Variants in LAP3 observed in about 807,000 individuals in gnomAD.
LAP3 encodes cytosol aminopeptidase.
LAP3 carries 46 observed loss-of-function variants against 58.8 expected under a neutral mutation model. That is an observed-to-expected ratio of 0.78 (90% CI 0.62 to 1.00). LAP3 has a LOEUF of 1.00. LAP3 is among the 50% of genes least tolerant of loss of function. The pLI is 0.00. For synonymous variants in LAP3, 257 were observed against 237.7 expected, an observed-to-expected ratio of 1.08 and a Z score of -0.75; for missense variants, 615 against 659.1, an observed-to-expected ratio of 0.93 and a Z score of 0.73.
chr4:17,579,734 AT>A, intron 1 of LAP3, 89 bp from the exon 2 acceptor site: 1 of 665,070 alleles, frequency 1.5e-6, no homozygotes. Context: ...GGGTGGAATT[AT>A]TTGTTCCTTC....
intron 11 of LAP3, among the ~76,000 whole-genome samples, chr4:17,605,498 TACTC>T (rs1323981414): frequency 1.3e-5 from 2 of 152,220 alleles, no homozygotes; most frequent in African/African-American, 4.8e-5. Context: ...GCTGGCTGCT[TACTC>T]ATTCATTCAA....
intron 1 of LAP3, among the ~76,000 whole-genome samples, chr4:17,579,313 C>T (rs73233440): frequency 0.029 from 4,474 of 151,882 alleles, 98 homozygotes; most frequent in Non-Finnish European, 0.047. Flanking sequence ...TAAGAATGTT[C>T]TCCTTTTCCT....
chr4:17,604,716 A>T (rs373314845), intron 11 of LAP3, 49 bp downstream of exon 11: 215 of 1,366,580 alleles, frequency 1.6e-4, no homozygotes, highest in Non-Finnish European at 1.4e-4. Context: ...TGAATAAATT[A>T]TTCTAGCCTT....
chr4:17,601,921 G>A (rs934855674), intron 10 of LAP3, among the ~76,000 whole-genome samples: 9 of 152,122 alleles, frequency 5.9e-5, no homozygotes, highest in Non-Finnish European at 1.3e-4. Context: ...TGACTCCATA[G>A]ATGCAGAACA....
chr4:17,582,155 C>A, intron 3 of LAP3, 133 bp from the exon 4 acceptor site: 1 of 720,126 alleles, frequency 1.4e-6, no homozygotes, highest in Non-Finnish European at 2.3e-6. Context: ...CAAATTTCAC[C>A]GTGCGTTTAG....
intron 4 of LAP3, among the ~76,000 whole-genome samples, chr4:17,583,239 G>T (rs1188642943): frequency 6.6e-6 from 1 of 152,184 alleles, no homozygotes; most frequent in Middle Eastern, 3.2e-3. Context: ...ACGGCTCTGG[G>T]AGGAGCTATT....
intron 8 of LAP3, 66 bp downstream of exon 8, chr4:17,595,600 C>T: frequency 6.6e-7 from 1 of 1,516,152 alleles, no homozygotes; most frequent in Non-Finnish European, 9.1e-7. Context: ...AGAAGAGAGA[C>T]AACAGATATG....
chr4:17,593,742 A>T (rs12650220), intron 7 of LAP3, among the ~76,000 whole-genome samples: 85,933 of 150,584 alleles, frequency 0.57, 26,328 homozygotes, highest in East Asian at 0.88. Context: ...CCTCCCGAGT[A>T]GCTGGGACTA....
Position 17,577,342 on chromosome 4 carries a change from G to C in LAP3, c.-124G>C. 2.0e-6 allele frequency: 1 copy of C among 505,076 alleles called. No individual in the cohort carries two copies. The highest frequency in any genetic ancestry group is 3.0e-6 in the Non-Finnish European group (1 of 331,928). The allele number at this position is 505,076 out of a possible 1,614,324, so 31.3% of individuals were successfully genotyped here. On this transcript the variant is annotated 5_prime_UTR_variant, in exon 1 of 13. Coordinates refer to ENST00000226299, the MANE Select transcript of LAP3 (RefSeq NM_015907.3). Reference sequence around the variant, plus strand: ...CCGCCCCCTAGACGCACGTCCGCTCGCCCGGCGCCCGAGCCAGTCCGCGCG... The same window carrying C: ...CCGCCCCCTAGACGCACGTCCGCTCCCCCGGCGCCCGAGCCAGTCCGCGCG...
chr4:17,607,482 G>A lies in LAP3; in HGVS notation c.1453G>A (p.Val485Met), dbSNP rs1577227213. 8 of 1,614,106 alleles carry A rather than the reference G, an allele frequency of 5.0e-6. No individual in the cohort carries two copies. The highest frequency in any genetic ancestry group is 1.7e-5 in the Admixed American group (1 of 59,988). Residue 485 changes from valine to methionine, a missense_variant, in exon 13 of 13, where the codon GTG (valine) becomes ATG (methionine). Val to Met is a conservative substitution (Grantham distance 21). Coordinates refer to ENST00000226299, the MANE Select transcript of LAP3 (RefSeq NM_015907.3). ...GTGGGCACATTTAGACATAGCAGGC[G>A]TGATGACCAACAAAGATGAAGTTCC... The part of the protein sequence containing the change: ...PKWAHLDIAG[V>M]MTNKDEVPYL...
chr4:17,584,749 C>T (rs1273335238), intron 5 of LAP3: 5 of 420,352 alleles, frequency 1.2e-5, no homozygotes, highest in Non-Finnish European at 2.2e-5. Context: ...ACCGGATACC[C>T]TCTGGTTCTG....
intron 10 of LAP3, among the ~76,000 whole-genome samples, chr4:17,600,709 G>A (rs1713963200): frequency 6.6e-6 from 1 of 152,134 alleles, no homozygotes; most frequent in South Asian, 2.1e-4. Flanking sequence ...CCCCTTCTGA[G>A]TTCCAGAAGC....
chr4:17,602,286 C>T (rs77726502), intron 10 of LAP3, among the ~76,000 whole-genome samples: 6,268 of 152,174 alleles, frequency 0.041, 164 homozygotes, highest in Middle Eastern at 0.15. Flanking sequence ...AGGAAGCAGA[C>T]GTGTTCCTTG....
Position 17,579,899 on chromosome 4 carries a change from G to A in LAP3, c.178G>A (p.Asp60Asn), listed in dbSNP as rs973870143. The A allele has an allele frequency of 6.2e-7, 1 of 1,612,146 alleles. No homozygotes were observed. The highest frequency in any genetic ancestry group is 2.2e-5 in the East Asian group (1 of 44,742). Residue 60 changes from aspartate (D) to asparagine (N), a missense_variant, in exon 2 of 13, where the codon GAT becomes AAT. Transcript: ENST00000226299. ...GTTCACAAGTGCAGGAGAGAATTTTGATAAATTGTTAGCTGGAAAGCTGAG... is the reference window on the plus strand; with the variant it reads ...GTTCACAAGTGCAGGAGAGAATTTTAATAAATTGTTAGCTGGAAAGCTGAG... ...PQFTSAGENFDKLLAGKLRET... is the reference protein window; with the variant it reads ...PQFTSAGENFNKLLAGKLRET...
intron 6 of LAP3, chr4:17,586,149 G>A (rs752664398): frequency 5.9e-5 from 9 of 152,342 alleles, no homozygotes; most frequent in African/African-American, 2.2e-4. Flanking sequence ...AAGCCTGCTC[G>A]TCCAGTTCCG....
chr4:17,580,165 C>CATATATATATATATATATATATATAT (rs372439585), intron 2 of LAP3, among the ~76,000 whole-genome samples: 4 of 45,984 alleles, frequency 8.7e-5, no homozygotes, highest in African/African-American at 3.8e-4. Context: ...TCCCGGCTTT[C>CATATATATATATATATATATATATAT]ATATATATAT....
chr4:17,598,824 C>T (rs1343383996), intron 10 of LAP3, among the ~76,000 whole-genome samples: 1 of 152,004 alleles, frequency 6.6e-6, no homozygotes, highest in Non-Finnish European at 1.5e-5. Context: ...GTGATCTTGG[C>T]CTCCTGAGTT....
intron 9 of LAP3, 27 bp downstream of exon 9, chr4:17,597,161 C>A: frequency 1.3e-6 from 2 of 1,582,064 alleles, no homozygotes; most frequent in Non-Finnish European, 1.7e-6. Context: ...CACAGCACTC[C>A]CCATCCAGCG....
In LAP3 at chr4:17,607,690, A is replaced by G; in HGVS notation, c.*101A>G. 1.1e-6 allele frequency: 1 copy of G among 901,152 alleles called. No individual in the cohort carries two copies. Among genetic ancestry groups the G allele is most frequent in the South Asian group, 2.2e-5 (1 of 46,048 alleles). 55.8% of individuals were successfully genotyped at this position (901,152 alleles called of 1,614,324 possible). ...GAAAATCTTTTAACGGAGACAAAGG[A>G]TGGTATTTAAAAATGTAGAACACAA... On this transcript the variant is annotated 3_prime_UTR_variant, in exon 13 of 13. Transcript: ENST00000226299.
Sources: gnomAD v4.1 joint callset for allele counts (sites outside exome capture counted in the v4.1 genomes callset) on GRCh38, gnomAD v4.1.1 for gene constraint, MANE v1.5 for transcripts, NCBI Gene and HGNC (gene_info 2026-07-23, HGNC 2026-07-21) for gene names.